Variants in CCNJL observed in about 807,000 individuals in gnomAD.
CCNJL encodes the protein cyclin J like.
CCNJL carries 33 observed loss-of-function variants against 33.4 expected under a neutral mutation model. That is an observed-to-expected ratio of 0.99 (90% CI 0.75 to 1.32). The LOEUF (loss-of-function observed/expected upper bound fraction) is 1.32. Among genes scored for constraint, CCNJL ranks in the 40% most tolerant of loss-of-function variants. The pLI is 0.00. For missense variants in CCNJL, 512 were observed against 499.7 expected (o/e 1.02, Z -0.23); for synonymous variants, 227 against 220.9 (o/e 1.03, Z -0.24).
intron 2 of CCNJL, among the ~76,000 whole-genome samples, chr5:160,296,279 T>G (rs1043769452): frequency 2.0e-5 from 3 of 152,172 alleles, no homozygotes; most frequent in African/African-American, 7.2e-5. Context: ...GAACATCAAT[T>G]CCCTTCACTT....
At chr5:160,326,591 C>A in intron 1 of CCNJL, 2 of 439,704 alleles carry the variant, frequency 4.5e-6, no homozygotes, top group Non-Finnish European at 9.0e-6. Context: ...AAATGATCAA[C>A]TCTAATCATA....
At chr5:160,263,876 C>G (rs1328683036) in intron 3 of CCNJL, among the ~76,000 whole-genome samples, 1 of 151,836 alleles carries the variant, frequency 6.6e-6, no homozygotes, top group African/African-American at 2.4e-5. Flanking sequence ...TCATATCATT[C>G]CATCTACATT....
At chr5:160,276,554 A>G (rs142179038) in intron 3 of CCNJL, 1 of 152,372 alleles carries the variant, frequency 6.6e-6, no homozygotes, top group East Asian at 1.9e-4. Flanking sequence ...CCTTTATATA[A>G]AATAGCCAGA....
At position 160,321,008 on chromosome 5, in the gene CCNJL, CTCTCTCTTTCTTTCTTTCTT is replaced by C. The variant is rs1403892029; in HGVS notation, n.207-5523_207-5504del. On this transcript the variant is annotated intron_variant and non_coding_transcript_variant, in intron 1 of 7. Coordinates refer to the CCNJL transcript ENST00000377503. ...TCTCTTTCTTTCTTTCTCTCTCTCT[CTCTCTCTTTCTTTCTTTCTT>C]TCTTTCTTTCTTTCTTTCTTTCTTT... is the stretch of plus-strand genomic sequence containing the variant. Among the ~76,000 whole-genome samples, 488 of 100,164 alleles carry C rather than the reference CTCTCTCTTTCTTTCTTTCTT, an allele frequency of 4.9e-3. 15 individuals are homozygous for C. The highest frequency in any genetic ancestry group is 0.017 in the East Asian group (62 of 3,690). The allele number at this position is 100,164 out of a possible 152,430, so 65.7% of individuals were successfully genotyped here. A position where few individuals can be genotyped will look rare whatever the true frequency, so the allele number is the denominator to read the frequency against.
chr5:160,277,507 T>G (rs1459866844), intron 3 of CCNJL, among the ~76,000 whole-genome samples: 1 of 152,230 alleles, frequency 6.6e-6, no homozygotes, highest in Non-Finnish European at 1.5e-5. Flanking sequence ...TTTAGTGATC[T>G]CTATACTATA....
At chr5:160,254,413 T>C in intron 5 of CCNJL, 1 of 595,606 alleles carries the variant, frequency 1.7e-6, no homozygotes, top group East Asian at 3.0e-5. Context: ...TAGAGGCTTA[T>C]GTAAGGCATG....
intron 3 of CCNJL, among the ~76,000 whole-genome samples, chr5:160,271,072 C>A (rs548631490): frequency 1.0e-3 from 155 of 152,336 alleles, no homozygotes; most frequent in African/African-American, 3.6e-3. Context: ...AACACACACT[C>A]CTTGAAGACA....
In CCNJL at chr5:160,311,945, C is replaced by G; in HGVS notation, c.-22G>C. 6.2e-7 allele frequency: 1 copy of G among 1,613,186 alleles called. No individual in the cohort carries two copies. The highest frequency in any genetic ancestry group is 8.5e-7 in the Non-Finnish European group (1 of 1,179,284). On this transcript the variant is annotated 5_prime_UTR_variant, in exon 2 of 6. Coordinates refer to ENST00000257536, the MANE Select transcript of CCNJL (RefSeq NM_001308173.3). ...TCATCGCGTACGCAGCGCCGCTATC[C>G]GAGGCTACCCGGCTCTCAGGGCGCA...
At position 160,264,897 on chromosome 5, in the gene CCNJL, T is replaced by C. The variant is rs142912435; in HGVS notation, c.281-5126A>G. 3.3e-4 allele frequency among the ~76,000 whole-genome samples: 50 copies of C among 152,350 alleles called. No individual in the cohort carries two copies. The East Asian group carries it at 9.2e-3, about 28-fold the overall frequency. ...TAGCGCCAAGAGAAGCAGTTATTTT[T>C]AATTGCTTAAAAAGCCGTTTCATTT... On this transcript the variant is annotated intron_variant, in intron 3 of 5. Coordinates refer to ENST00000257536, the MANE Select transcript of CCNJL (RefSeq NM_001308173.3).
chr5:160,319,415 C>G (rs1420241737), intron 1 of CCNJL, among the ~76,000 whole-genome samples: 2 of 152,142 alleles, frequency 1.3e-5, no homozygotes, highest in Non-Finnish European at 2.9e-5. Flanking sequence ...TTAGCTTATG[C>G]CAGCACTGTG....
chr5:160,306,221 A>G (rs1006501503), intron 2 of CCNJL, among the ~76,000 whole-genome samples: 1 of 150,994 alleles, frequency 6.6e-6, no homozygotes, highest in Non-Finnish European at 1.5e-5. Flanking sequence ...CAGTAAGCCA[A>G]AATCATGCCA....
At chr5:160,337,003 C>CTTTTTTTTTTTTTT (rs35461944) in intron 1 of CCNJL, among the ~76,000 whole-genome samples, 11 of 95,060 alleles carry the variant, frequency 1.2e-4, no homozygotes, top group Admixed American at 2.9e-4. Context: ...CTTTTTCTTT[C>CTTTTTTTTTTTTTT]TTTTTTTTTT....
intron 2 of CCNJL, among the ~76,000 whole-genome samples, chr5:160,299,318 T>A (rs1040300717): frequency 2.0e-5 from 3 of 152,000 alleles, no homozygotes; most frequent in East Asian, 1.9e-4. Context: ...CCCGGCTAAT[T>A]TTTTTGTATT....
rs553273076 is a variant in CCNJL at position 160,292,571 on chromosome 5, C to A, written c.67-11833G>T. Among the ~76,000 whole-genome samples the A allele has an allele frequency of 1.6e-3, 239 of 152,092 alleles. 1 individual carries two copies. The highest frequency in any genetic ancestry group is 5.5e-3 in the African/African-American group (230 of 41,482). On this transcript the variant is annotated intron_variant, in intron 2 of 5. Coordinates refer to ENST00000257536, the MANE Select transcript of CCNJL (RefSeq NM_001308173.3). ...AGAAGTTTGAGGCTGCAGTGACCTACGATTATGCCACTGCACTCTAGCCTG... is the reference window on the plus strand; with the variant it reads ...AGAAGTTTGAGGCTGCAGTGACCTAAGATTATGCCACTGCACTCTAGCCTG...
At chr5:160,290,604 G>C (rs1762551505) in intron 2 of CCNJL, among the ~76,000 whole-genome samples, 1 of 152,040 alleles carries the variant, frequency 6.6e-6, no homozygotes, top group Admixed American at 6.6e-5. Context: ...TCAGGCTCAT[G>C]CTTCTGTGAG....
intron 4 of CCNJL, among the ~76,000 whole-genome samples, chr5:160,256,901 G>C (rs1230227967): frequency 6.6e-6 from 1 of 151,812 alleles, no homozygotes; most frequent in African/African-American, 2.4e-5. Context: ...CTGGGCGACA[G>C]GGCAAGACTT....
intron 3 of CCNJL, among the ~76,000 whole-genome samples, chr5:160,271,164 C>T (rs925821275): frequency 2.0e-5 from 3 of 152,206 alleles, no homozygotes; most frequent in African/African-American, 7.2e-5. Flanking sequence ...GCCAACATAT[C>T]TCGTTCGAGT....
chr5:160,287,146 T>C (rs28604908), intron 2 of CCNJL, among the ~76,000 whole-genome samples: 24,560 of 151,994 alleles, frequency 0.16, 3,051 homozygotes, highest in African/African-American at 0.34. Context: ...TGACCCTCAG[T>C]GTCCCTATCT....
chr5:160,338,853 G>A (rs138249726), intron 1 of CCNJL, among the ~76,000 whole-genome samples: 9,102 of 151,926 alleles, frequency 0.06, 638 homozygotes, highest in African/African-American at 0.17. Context: ...GTGCAGTGGC[G>A]CGATCTCAGC....
Sources: allele counts gnomAD v4.1 joint callset (sites outside exome capture counted in the v4.1 genomes callset), GRCh38; gene constraint gnomAD v4.1.1; transcripts MANE v1.5; gene names NCBI Gene and HGNC (gene_info 2026-07-23, HGNC 2026-07-21).